The following CSMD3 variants were observed in gnomAD, a reference collection of about 807,000 sequenced individuals.
The protein encoded by CSMD3 is CUB and sushi domain-containing protein 3.
Under a neutral mutation model 435.2 loss-of-function variants are expected in CSMD3, and 177 were observed. That is an observed-to-expected ratio of 0.41 (90% CI 0.36 to 0.46). The LOEUF (loss-of-function observed/expected upper bound fraction) is 0.46, where lower values mean the gene tolerates loss of function less well. Among genes scored for constraint, CSMD3 ranks in the 20% least tolerant of loss-of-function variants. The pLI is 0.34. For missense variants in CSMD3, 4,265 were observed against 4,504.6 expected (o/e 0.95, Z 1.52); for synonymous variants, 1,656 against 1,520.5 (o/e 1.09, Z -2.07).
At chr8:112,838,445 A>C (rs1010629509) in intron 11 of CSMD3, among the ~76,000 whole-genome samples, 6 of 151,798 alleles carry the variant, frequency 4.0e-5, no homozygotes, top group African/African-American at 1.4e-4. Context: ...GATTTGAAGG[A>C]TAACAGGGCA....
At chr8:112,743,576 C>T (rs2132066222) in intron 13 of CSMD3, among the ~76,000 whole-genome samples, 1 of 151,838 alleles carries the variant, frequency 6.6e-6, no homozygotes, top group African/African-American at 2.4e-5. Flanking sequence ...TAAAAAAATC[C>T]TTTGGGAAAT....
At chr8:113,197,642 G>T (rs2092673203) in intron 3 of CSMD3, among the ~76,000 whole-genome samples, 1 of 151,130 alleles carries the variant, frequency 6.6e-6, no homozygotes, top group Admixed American at 6.6e-5. Flanking sequence ...ATTATGCCAT[G>T]CAGAGATAAT....
intron 10 of CSMD3, among the ~76,000 whole-genome samples, chr8:112,896,838 C>G (rs1318573619): frequency 6.6e-6 from 1 of 151,450 alleles, no homozygotes. Context: ...ACAATGACTT[C>G]TCATTGCTCT....
chr8:112,274,345 A>G (rs1308465409), intron 59 of CSMD3, among the ~76,000 whole-genome samples: 1 of 152,228 alleles, frequency 6.6e-6, no homozygotes, highest in African/African-American at 2.4e-5. Flanking sequence ...CTACATTAAG[A>G]GAGTTTCAAG....
At chr8:112,694,427 T>G (rs577898152) in intron 13 of CSMD3, among the ~76,000 whole-genome samples, 1 of 152,308 alleles carries the variant, frequency 6.6e-6, no homozygotes, top group East Asian at 1.9e-4. Context: ...CTTTTCATTC[T>G]TAGTCATTAT....
At chr8:113,411,040 A>G (rs758625182) in intron 1 of CSMD3, among the ~76,000 whole-genome samples, 1 of 151,698 alleles carries the variant, frequency 6.6e-6, no homozygotes, top group Non-Finnish European at 1.5e-5. Flanking sequence ...AAAGAGAAAG[A>G]AGAGGAGAAA....
chr8:113,207,478 G>A (rs1228843754), intron 3 of CSMD3, among the ~76,000 whole-genome samples: 5 of 151,234 alleles, frequency 3.3e-5, no homozygotes, highest in African/African-American at 1.2e-4. Context: ...AGCCTCCCAG[G>A]TTCAAGTGAT....
intron 3 of CSMD3, among the ~76,000 whole-genome samples, chr8:113,242,467 G>T (rs548262430): frequency 6.6e-6 from 1 of 151,934 alleles, no homozygotes; most frequent in Non-Finnish European, 1.5e-5. Context: ...GTGGGCAGTG[G>T]CCAGAATGAC....
chr8:113,414,493 A>AT (rs1243971697), intron 1 of CSMD3, among the ~76,000 whole-genome samples: 6 of 152,086 alleles, frequency 3.9e-5, no homozygotes, highest in African/African-American at 1.4e-4. Flanking sequence ...ATTTTAATGT[A>AT]TTTATTTGAA....
chr8:112,991,813 G>T (rs1039938321), intron 6 of CSMD3, among the ~76,000 whole-genome samples: 7 of 151,820 alleles, frequency 4.6e-5, no homozygotes, highest in African/African-American at 1.7e-4. Context: ...GTAATTAAAA[G>T]TTATATGTAA....
chr8:112,961,852 G>T (rs2084242033), intron 7 of CSMD3, among the ~76,000 whole-genome samples: 1 of 151,940 alleles, frequency 6.6e-6, no homozygotes, highest in African/African-American at 2.4e-5. Context: ...AACAGCAGAT[G>T]CACCTGCAAT....
chr8:113,000,825 C>A (rs1190299068), intron 6 of CSMD3, among the ~76,000 whole-genome samples: 1 of 151,962 alleles, frequency 6.6e-6, no homozygotes, highest in East Asian at 1.9e-4. Context: ...AAACTTCAGA[C>A]ATAGATAATC....
chr8:113,394,744 A>G (rs1216843120), intron 1 of CSMD3, among the ~76,000 whole-genome samples: 1 of 152,192 alleles, frequency 6.6e-6, no homozygotes, highest in African/African-American at 2.4e-5. Context: ...ATCAACATGT[A>G]CATGAAAGAC....
At chr8:113,332,296 T>C (rs2094033888) in intron 1 of CSMD3, among the ~76,000 whole-genome samples, 1 of 138,296 alleles carries the variant, frequency 7.2e-6, no homozygotes, top group Admixed American at 7.1e-5. Flanking sequence ...ACCACAAAAC[T>C]TCAATTGGTT....
chr8:112,965,243 A>T (rs533946241), intron 7 of CSMD3, among the ~76,000 whole-genome samples: 1 of 151,850 alleles, frequency 6.6e-6, no homozygotes, highest in Non-Finnish European at 1.5e-5. Context: ...GATCTCATTC[A>T]CAGGTAAAAG....
chr8:112,545,307 C>A (rs991165038), intron 27 of CSMD3, among the ~76,000 whole-genome samples: 3 of 151,518 alleles, frequency 2.0e-5, no homozygotes, highest in Non-Finnish European at 4.4e-5. Context: ...CATGGTGAAA[C>A]CCCGTCTCTA....
At chr8:112,677,523 CTG>C (rs2075794948) in intron 16 of CSMD3, among the ~76,000 whole-genome samples, 1 of 148,346 alleles carries the variant, frequency 6.7e-6, no homozygotes, top group African/African-American at 2.5e-5. Context: ...TACTAGATAA[CTG>C]AGCCACATTA....
chr8:112,253,512 A>G (rs1815471032), intron 63 of CSMD3, among the ~76,000 whole-genome samples: 1 of 152,034 alleles, frequency 6.6e-6, no homozygotes, highest in Non-Finnish European at 1.5e-5. Context: ...GCTGAATTTC[A>G]CACAGAATAG....
chr8:112,335,572 T>C (rs1259407907), intron 44 of CSMD3, 98 bp from the exon 45 acceptor site: 1 of 1,051,694 alleles, frequency 9.5e-7, no homozygotes, highest in African/African-American at 1.6e-5. Flanking sequence ...ATTTATATTC[T>C]AACGTATCAA....
Sources: gnomAD v4.1 joint callset for allele counts (sites outside exome capture counted in the v4.1 genomes callset) on GRCh38, gnomAD v4.1.1 for gene constraint, MANE v1.5 for transcripts, NCBI Gene and HGNC (gene_info 2026-07-23, HGNC 2026-07-21) for gene names.